The following HEYL variants were observed in gnomAD, a reference collection of about 807,000 sequenced individuals.
HEYL encodes the protein hes related family bHLH transcription factor with YRPW motif like, also known as hairy/enhancer-of-split related with YRPW motif-like protein.
In HEYL, 12 loss-of-function variants were observed where a neutral mutation model predicts 18.6. The ratio of observed to expected loss-of-function variants is 0.65; its 90% CI spans 0.41 to 1.05. The LOEUF is 1.05. Among genes scored for constraint, HEYL ranks in the 50% least tolerant of loss-of-function variants. The pLI is 0.00. For synonymous variants in HEYL, 159 were observed against 179.6 expected, an observed-to-expected ratio of 0.89 and a Z score of 0.91; for missense variants, 420 against 444.7, an observed-to-expected ratio of 0.94 and a Z score of 0.50.
rs1438343359 is a variant in HEYL, at chr1:39,626,463, A to G, written c.*44T>C. On this transcript the variant is annotated 3_prime_UTR_variant, in exon 5 of 5. Transcript: ENST00000372852. ...GTGCCCTTTTTTGGGCTCCTGGTAA[A>G]AGAACCTTCCTTATTCCTTGGGGCG... 2 of 1,443,212 alleles carry G rather than the reference A, an allele frequency of 1.4e-6. No homozygotes were observed. Among genetic ancestry groups the G allele is most frequent in the Non-Finnish European group, 1.8e-6 (2 of 1,094,318 alleles). 89.4% of individuals were successfully genotyped at this position (1,443,212 alleles called of 1,614,324 possible).
rs1466262387 is a variant in HEYL, at chr1:39,626,618, G to A, written c.876C>T (p.Tyr292=). ...TPPGPTGSAA[Y]VAVPTPNSSS... The stretch of plus-strand genomic sequence containing the variant: ...ATGAGTTGGGGGTGGGAACAGCCAC[G>A]TAAGCAGCCGACCCTGTAGGACCAG... The change falls in exon 5 of 5, where the codon TAC becomes TAT. Residue 292 remains tyrosine, a synonymous_variant. Transcript: ENST00000372852. 10 of 1,550,614 alleles carry A rather than the reference G, an allele frequency of 6.4e-6. No individual in the cohort carries two copies. Among genetic ancestry groups the A allele is most frequent in the Middle Eastern group, 1.7e-4 (1 of 5,892 alleles).
chr1:39,636,560 C>T (rs766392333), intron 1 of HEYL, among the ~76,000 whole-genome samples: 1 of 152,144 alleles, frequency 6.6e-6, no homozygotes, highest in African/African-American at 2.4e-5. Flanking sequence ...GCCACCGTGC[C>T]CGGCCTCTAG....
chr1:39,633,519 G>A (rs909169067), intron 1 of HEYL: 3 of 152,212 alleles, frequency 2.0e-5, no homozygotes, highest in African/African-American at 4.8e-5. Context: ...GGATTCGCTG[G>A]GTCCACTGAG....
rs1380507541 is a variant in HEYL, at chr1:39,623,462, A to C, written c.*3045T>G. The stretch of plus-strand genomic sequence containing the variant: ...CACTTCTTCAACAAGTATTTATTGA[A>C]CGCCAACTATGGACCAGGCCCTGTG... On this transcript the variant is annotated 3_prime_UTR_variant, in exon 5 of 5. Transcript: ENST00000372852. Among the ~76,000 whole-genome samples, 3 of 152,234 alleles carry C rather than the reference A, an allele frequency of 2.0e-5. No homozygotes were observed. The highest frequency in any genetic ancestry group is 2.9e-5 in the Non-Finnish European group (2 of 68,050).
intron 1 of HEYL, 197 bp from the exon 2 acceptor site, chr1:39,632,912 C>A (rs1405443496): frequency 4.1e-6 from 4 of 985,394 alleles, no homozygotes; most frequent in Non-Finnish European, 4.8e-6. Context: ...TGGTCCGGAC[C>A]TGCTCGGCCT....
rs772073154 is a variant in HEYL, at chr1:39,626,874, A to G, written c.620T>C (p.Val207Ala). 1.0e-5 allele frequency: 16 copies of G among 1,596,604 alleles called. No individual in the cohort carries two copies. Among genetic ancestry groups the G allele is most frequent in the Non-Finnish European group, 1.4e-5 (16 of 1,170,800 alleles). The change falls in exon 5 of 5, where the codon GTC becomes GCC. Residue 207 changes from valine (V) to alanine (A), a missense_variant. Physicochemically the swap from Val to Ala is moderately conservative, Grantham distance 64. Coordinates refer to ENST00000372852, the MANE Select transcript of HEYL (RefSeq NM_014571.4). ...GRVPSPVLPG[V>A]SSPAYPIPAL... ...TGGGATGGGGTAAGCAGGAGAGGAG[A>G]CACCGGGGAGGACAGGGCTGGGCAC...
At position 39,632,709 on chromosome 1, in the gene HEYL, C is replaced by A; in HGVS notation, c.87G>T (p.Met29Ile). 1 of 1,614,024 alleles carries A rather than the reference C, an allele frequency of 6.2e-7. No homozygotes were observed. Among genetic ancestry groups the A allele is most frequent in the Non-Finnish European group, 8.5e-7 (1 of 1,179,940 alleles). Residue 29 changes from methionine to isoleucine, a missense_variant, in exon 2 of 5, where the codon ATG becomes ATT. Met to Ile is a conservative substitution (Grantham distance 10). Transcript: ENST00000372852. Reference protein sequence around the residue: ...DVGQEGQLSQMARPLSTPSSS... With the variant: ...DVGQEGQLSQIARPLSTPSSS... ...AGCTGGGGGTGGACAGCGGCCTGGC[C>A]ATCTGGCTGGAAAGGAAAAGAAAAG...
At position 39,626,472 on chromosome 1, in the gene HEYL, C is replaced by A. The variant is rs1646297526; in HGVS notation, c.*35G>T. The A allele has an allele frequency of 6.8e-7, 1 of 1,472,618 alleles. No homozygotes were observed. Among genetic ancestry groups the A allele is most frequent in the Admixed American group, 2.8e-5 (1 of 36,288 alleles). The allele number at this position is 1,472,618 out of a possible 1,614,324, so 91.2% of individuals were successfully genotyped here. A position where few individuals can be genotyped will look rare whatever the true frequency, so the allele number is the denominator to read the frequency against. ...TTTGGGCTCCTGGTAAAAGAACCTT[C>A]CTTATTCCTTGGGGCGGGGTGGTGA... On this transcript the variant is annotated 3_prime_UTR_variant, in exon 5 of 5. Transcript: ENST00000372852.
At chr1:39,631,174 C>T (rs1356058366) in intron 3 of HEYL, among the ~76,000 whole-genome samples, 1 of 152,222 alleles carries the variant, frequency 6.6e-6, no homozygotes, top group Non-Finnish European at 1.5e-5. Context: ...GTCCTGTGCC[C>T]TGCTATTTAC....
At position 39,623,511 on chromosome 1, in the gene HEYL, G is replaced by C. The variant is rs1370704150; in HGVS notation, c.*2996C>G. Among the ~76,000 whole-genome samples the C allele has an allele frequency of 2.6e-5, 4 of 152,272 alleles. No homozygotes were observed. The highest frequency in any genetic ancestry group is 9.6e-5 in the African/African-American group (4 of 41,478). On this transcript the variant is annotated 3_prime_UTR_variant, in exon 5 of 5. Transcript: ENST00000372852. ...TGCTCAATGCTGGGTACAGAGTGGA[G>C]ACTGAACCAGGCATGGCACCTGGCC...
At chr1:39,629,071 C>G (rs1646318141) in intron 4 of HEYL, among the ~76,000 whole-genome samples, 1 of 152,128 alleles carries the variant, frequency 6.6e-6, no homozygotes, top group Non-Finnish European at 1.5e-5. Flanking sequence ...CAGTAGAGCC[C>G]GATTCAAATC....
At chr1:39,628,690 T>C (rs1457300945) in intron 4 of HEYL, among the ~76,000 whole-genome samples, 1 of 152,206 alleles carries the variant, frequency 6.6e-6, no homozygotes, top group Non-Finnish European at 1.5e-5. Flanking sequence ...CTCCGCCTTC[T>C]GGGTTCATGC....
At chr1:39,633,008 T>G in intron 1 of HEYL, 2 of 973,276 alleles carry the variant, frequency 2.1e-6, no homozygotes, top group Non-Finnish European at 2.4e-6. Context: ...CTCCGGCTCC[T>G]GCAACCCGAT....
intron 4 of HEYL, among the ~76,000 whole-genome samples, chr1:39,628,726 T>A (rs1646315496): frequency 6.6e-6 from 1 of 152,092 alleles, no homozygotes; most frequent in African/African-American, 2.4e-5. Context: ...GCCTCCCGAG[T>A]AGCTGGGACT....
chr1:39,637,684 A>G (rs1003376401), intron 1 of HEYL, among the ~76,000 whole-genome samples: 3 of 152,216 alleles, frequency 2.0e-5, no homozygotes, highest in Non-Finnish European at 4.4e-5. Flanking sequence ...ACAGTGTCTA[A>G]AAATGGGCTC....
At chr1:39,636,571 T>C (rs1646363271) in intron 1 of HEYL, among the ~76,000 whole-genome samples, 2 of 152,194 alleles carry the variant, frequency 1.3e-5, no homozygotes, top group Non-Finnish European at 2.9e-5. Context: ...CGGCCTCTAG[T>C]GGCTTTTAAT....
Position 39,626,350 on chromosome 1 carries a change from A to C in HEYL, c.*157T>G. ...AAGCTGGGATAACAGTGAGAAGGAG[A>C]GATGGGTTGGAGGAGGAGGGGGCCT... is the stretch of plus-strand genomic sequence containing the variant. On this transcript the variant is annotated 3_prime_UTR_variant, in exon 5 of 5. Coordinates refer to ENST00000372852, the MANE Select transcript of HEYL (RefSeq NM_014571.4). 1 of 623,508 alleles carries C rather than the reference A, an allele frequency of 1.6e-6. No individual in the cohort carries two copies. Among genetic ancestry groups the C allele is most frequent in the South Asian group, 2.2e-5 (1 of 46,320 alleles). The allele number at this position is 623,508 out of a possible 1,614,324, so 38.6% of individuals were successfully genotyped here. A position where few individuals can be genotyped will look rare whatever the true frequency, so the allele number is the denominator to read the frequency against.
chr1:39,627,019 C>A lies in HEYL; in HGVS notation c.475G>T (p.Glu159Ter). The A allele has an allele frequency of 6.2e-7, 1 of 1,614,156 alleles. No individual in the cohort carries two copies. Among genetic ancestry groups the A allele is most frequent in the Non-Finnish European group, 8.5e-7 (1 of 1,180,000 alleles). ...GTGGGCGTGGGCGAAGGCTCCATCT[C>A]GGCTGCGTAGCTGTTGAGGTGGGAG... ...LLSHLNSYAA[E>*]MEPSPTPTGP... The change falls in exon 5 of 5, where the codon GAG becomes TAG. Residue 159 changes from glutamate (E) to a stop codon, truncating the protein, a stop_gained. Transcript: ENST00000372852. LOFTEE classifies it low-confidence loss of function (END_TRUNC).
In HEYL at chr1:39,626,590, A is replaced by C; in HGVS notation, c.904T>G (p.Ser302Ala). The C allele has an allele frequency of 1.3e-6, 2 of 1,552,962 alleles. No individual in the cohort carries two copies. The highest frequency in any genetic ancestry group is 2.4e-5 in the East Asian group (1 of 41,428). Residue 302 changes from serine (S) to alanine (A), a missense_variant, in exon 5 of 5, where the codon TCC becomes GCC. Coordinates refer to ENST00000372852, the MANE Select transcript of HEYL (RefSeq NM_014571.4). ...GCTGGCCTCCCAGCTGGCCCTGGGG[A>C]GGATGAGTTGGGGGTGGGAACAGCC... ...YVAVPTPNSSSPGPAGRPAGA... is the reference protein window; with the variant it reads ...YVAVPTPNSSAPGPAGRPAGA...
Sources: allele counts gnomAD v4.1 joint callset (sites outside exome capture counted in the v4.1 genomes callset), GRCh38; gene constraint gnomAD v4.1.1; transcripts MANE v1.5; gene names NCBI Gene and HGNC (gene_info 2026-07-23, HGNC 2026-07-21).